PTPRG: variants seen among roughly 807,000 people sequenced by gnomAD.
The protein encoded by PTPRG is protein tyrosine phosphatase receptor type G, also known as receptor-type tyrosine-protein phosphatase gamma.
In PTPRG, 102 loss-of-function variants were observed where a neutral mutation model predicts 165.3. The ratio of observed to expected loss-of-function variants is 0.62; its 90% CI spans 0.53 to 0.73. PTPRG has a LOEUF of 0.73. PTPRG is among the 30% of genes least tolerant of loss of function. PTPRG has a pLI of 0.00. For missense variants in PTPRG, 1,866 were observed against 1,861.4 expected (o/e 1.00, Z -0.05); for synonymous variants, 675 against 669.5 (o/e 1.01, Z -0.13).
chr3:61,960,891 A>G (rs2040137752), intron 2 of PTPRG, among the ~76,000 whole-genome samples: 1 of 152,198 alleles, frequency 6.6e-6, no homozygotes, highest in Admixed American at 6.5e-5. Context: ...ATCTTGCATT[A>G]TAGAGACTGG....
At chr3:61,807,635 A>C (rs1005791085) in intron 2 of PTPRG, among the ~76,000 whole-genome samples, 1 of 152,236 alleles carries the variant, frequency 6.6e-6, no homozygotes, top group Admixed American at 6.5e-5. Context: ...CTGCTAGAAA[A>C]TAACATATAT....
chr3:61,926,381 C>T (rs1269892032), intron 2 of PTPRG, among the ~76,000 whole-genome samples: 1 of 152,022 alleles, frequency 6.6e-6, no homozygotes, highest in Admixed American at 6.6e-5. Context: ...GCACCTCCCC[C>T]TCCTCTCTCT....
chr3:61,827,150 C>T (rs1337366220), intron 2 of PTPRG, among the ~76,000 whole-genome samples: 1 of 152,144 alleles, frequency 6.6e-6, no homozygotes, highest in Non-Finnish European at 1.5e-5. Flanking sequence ...GTGGAGCTAC[C>T]CTCTCAGCCT....
rs138568998 is a variant in PTPRG, at chr3:62,255,167, C to G, written c.2511C>G (p.Ile837Met). ...CTGTCAAACAGTTTGTCAAACACAT[C>G]GGTGAGCTCTATTCTAATAACCAGC... ...AIPVKQFVKHIGELYSNNQHG... is the reference protein window; with the variant it reads ...AIPVKQFVKHMGELYSNNQHG... Residue 837 changes from isoleucine (I) to methionine (M), a missense_variant, in exon 16 of 30, where the codon ATC (isoleucine) becomes ATG (methionine). Physicochemically the swap from Ile to Met is conservative, Grantham distance 10 (BLOSUM62 1). This residue lies in a region of PTPRG where 1,452 missense variants were observed against 1,463.0 expected (regional missense o/e 0.99). Coordinates refer to ENST00000474889, the MANE Select transcript of PTPRG (RefSeq NM_002841.4). The surrounding 1 kb of genome is among the most constrained non-coding windows in gnomAD (Gnocchi z 4.0). 2 of 1,613,208 alleles carry G rather than the reference C, an allele frequency of 1.2e-6. No individual in the cohort carries two copies. Among genetic ancestry groups the G allele is most frequent in the Admixed American group, 1.7e-5 (1 of 59,902 alleles).
intron 1 of PTPRG, among the ~76,000 whole-genome samples, chr3:61,730,170 G>A (rs147674867): frequency 6.6e-5 from 10 of 152,318 alleles, no homozygotes; most frequent in East Asian, 5.8e-4. Flanking sequence ...AAGGGATACC[G>A]TCTGTGTTGG....
At chr3:61,674,390 G>A (rs1703145668) in intron 1 of PTPRG, among the ~76,000 whole-genome samples, 1 of 149,744 alleles carries the variant, frequency 6.7e-6, no homozygotes. Flanking sequence ...AGGAGGCTGA[G>A]GTGGGAGGAT....
At chr3:61,753,467 C>T in intron 2 of PTPRG, 4 of 315,276 alleles carry the variant, frequency 1.3e-5, no homozygotes, top group Non-Finnish European at 1.9e-5. Context: ...TGGAGTTTGC[C>T]CAGAACTTCT....
intron 1 of PTPRG, among the ~76,000 whole-genome samples, chr3:61,699,381 A>G (rs1315698283): frequency 1.3e-5 from 2 of 152,206 alleles, no homozygotes; most frequent in African/African-American, 2.4e-5. Flanking sequence ...TTGTGATATT[A>G]TAAGTCATAT....
At chr3:62,040,696 C>G (rs998829242) in intron 4 of PTPRG, among the ~76,000 whole-genome samples, 2 of 152,052 alleles carry the variant, frequency 1.3e-5, no homozygotes, top group African/African-American at 4.8e-5. Context: ...TCCGCCTTGG[C>G]CTTCCAGAGT....
intron 2 of PTPRG, among the ~76,000 whole-genome samples, chr3:61,915,679 A>G (rs913580249): frequency 1.3e-5 from 2 of 151,524 alleles, no homozygotes; most frequent in South Asian, 4.2e-4. Context: ...TCTTCTTTCT[A>G]TTTTATTTTT....
intron 5 of PTPRG, among the ~76,000 whole-genome samples, chr3:62,081,594 C>T (rs183218022): frequency 6.6e-5 from 10 of 152,310 alleles, no homozygotes; most frequent in Admixed American, 2.0e-4. Flanking sequence ...ATGCTCCTGC[C>T]TCAGCCTTCT....
At chr3:61,792,668 T>TTTTCTTTCTTTC (rs199609616) in intron 2 of PTPRG, among the ~76,000 whole-genome samples, 1 of 118,248 alleles carries the variant, frequency 8.5e-6, no homozygotes. Context: ...TTTTTGTGGG[T>TTTTCTTTCTTTC]TTTCTTTCTT....
intron 12 of PTPRG, among the ~76,000 whole-genome samples, chr3:62,209,585 C>A (rs929495569): frequency 4.6e-5 from 7 of 152,114 alleles, no homozygotes; most frequent in African/African-American, 1.4e-4. Flanking sequence ...TACTTTTCAG[C>A]CAGTGCTAGT....
chr3:61,854,119 A>C (rs1356978757), intron 2 of PTPRG, among the ~76,000 whole-genome samples: 2 of 152,338 alleles, frequency 1.3e-5, no homozygotes, highest in Middle Eastern at 3.4e-3. Flanking sequence ...CAAGAGAATG[A>C]GATCTCTTGA....
rs186862669 is a variant in PTPRG at position 61,731,195 on chromosome 3, A to G, written c.86-17683A>G. 1.7e-3 allele frequency among the ~76,000 whole-genome samples: 257 copies of G among 152,296 alleles called. 1 individual carries two copies. The highest frequency in any genetic ancestry group is 5.8e-3 in the African/African-American group (243 of 41,566). On this transcript the variant is annotated intron_variant, in intron 1 of 29. Transcript: ENST00000474889. ...GTTAGCAGTCTCTTGAATAGAAAAAAGGAAAAGAGAAAAAGTAGAGTTCCC... is the reference window on the plus strand; with the variant it reads ...GTTAGCAGTCTCTTGAATAGAAAAAGGGAAAAGAGAAAAAGTAGAGTTCCC...
chr3:61,631,564 C>T (rs1319938686), intron 1 of PTPRG, among the ~76,000 whole-genome samples: 2 of 152,194 alleles, frequency 1.3e-5, no homozygotes, highest in Non-Finnish European at 2.9e-5. Flanking sequence ...TGGTTTCAGG[C>T]ATCCACTAGG....
intron 2 of PTPRG, among the ~76,000 whole-genome samples, chr3:61,754,338 G>A (rs1323143652): frequency 6.6e-6 from 1 of 152,122 alleles, no homozygotes. Context: ...GTACTTTTTG[G>A]CCTCCACCCT....
intron 1 of PTPRG, among the ~76,000 whole-genome samples, chr3:61,728,448 T>C (rs1289324366): frequency 2.6e-5 from 4 of 152,004 alleles, no homozygotes; most frequent in Non-Finnish European, 5.9e-5. Context: ...TTGGGTGTGG[T>C]CGTGTGTGCC....
At chr3:61,764,512 G>C (rs944546202) in intron 2 of PTPRG, among the ~76,000 whole-genome samples, 1 of 152,190 alleles carries the variant, frequency 6.6e-6, no homozygotes, top group Non-Finnish European at 1.5e-5. Context: ...GTGAAATAAA[G>C]TGTAAAGTGA....
Sources: allele counts gnomAD v4.1 joint callset (sites outside exome capture counted in the v4.1 genomes callset), GRCh38; gene constraint gnomAD v4.1.1; regional missense constraint gnomAD v4.1.1; non-coding constraint Gnocchi (gnomAD v3.1); transcripts MANE v1.5; gene names NCBI Gene and HGNC (gene_info 2026-07-23, HGNC 2026-07-21).